The following EPS15L1 variants were observed in gnomAD, a reference collection of about 807,000 sequenced individuals.
EPS15L1 encodes epidermal growth factor receptor pathway substrate 15 like 1, also known as epidermal growth factor receptor substrate 15-like 1.
In EPS15L1, 43 loss-of-function variants were observed where a neutral mutation model predicts 117.1. That is an observed-to-expected ratio of 0.37 (90% confidence interval 0.29 to 0.47). The LOEUF is 0.47. EPS15L1 is among the 20% of genes least tolerant of loss of function. The pLI is 0.99. For missense variants in EPS15L1, 981 were observed against 1,164.0 expected (o/e 0.84, Z 2.29); for synonymous variants, 459 against 470.5 (o/e 0.98, Z 0.32).
At chr19:16,447,941 A>G (rs1310846928) in intron 1 of EPS15L1, among the ~76,000 whole-genome samples, 2 of 152,192 alleles carry the variant, frequency 1.3e-5, no homozygotes, top group African/African-American at 4.8e-5. Context: ...TCTGAGAAAC[A>G]GACACACACA....
At chr19:16,384,987 T>C in intron 21 of EPS15L1, 142 bp downstream of exon 21, 1 of 726,434 alleles carries the variant, frequency 1.4e-6, no homozygotes, top group South Asian at 1.6e-5. Flanking sequence ...CAGCCATGGA[T>C]GCTTTCCAGA....
chr19:16,468,221 A>C (rs2093320128), intron 1 of EPS15L1, among the ~76,000 whole-genome samples: 1 of 152,136 alleles, frequency 6.6e-6, no homozygotes, highest in Admixed American at 6.6e-5. Flanking sequence ...GCTCACAGTG[A>C]TGTTCTAGCA....
At chr19:16,436,831 T>C in intron 6 of EPS15L1, 106 bp downstream of exon 6, 1 of 902,410 alleles carries the variant, frequency 1.1e-6, no homozygotes, top group Non-Finnish European at 1.7e-6. Context: ...TATAAAATGT[T>C]CTGAACAACA....
At chr19:16,440,177 A>C (rs1296141148) in intron 4 of EPS15L1, among the ~76,000 whole-genome samples, 2 of 152,094 alleles carry the variant, frequency 1.3e-5, no homozygotes, top group African/African-American at 4.8e-5. Flanking sequence ...TCATGCCCAT[A>C]ATCCCAGCAG....
At chr19:16,395,933 A>AAT (rs1400774410) in intron 16 of EPS15L1, among the ~76,000 whole-genome samples, 2 of 105,886 alleles carry the variant, frequency 1.9e-5, no homozygotes, top group East Asian at 4.9e-4. Flanking sequence ...CGATAGAGTG[A>AAT]GTCTATCTCA....
intron 22 of EPS15L1, among the ~76,000 whole-genome samples, chr19:16,372,582 C>T (rs2092240661): frequency 6.6e-6 from 1 of 152,166 alleles, no homozygotes. Context: ...AGAAAAGGGC[C>T]CAATTAATGA....
intron 10 of EPS15L1, among the ~76,000 whole-genome samples, chr19:16,420,265 T>C (rs970800212): frequency 6.6e-6 from 1 of 152,252 alleles, no homozygotes; most frequent in South Asian, 2.1e-4. Flanking sequence ...GTCATTTCCA[T>C]GTCATTACAT....
chr19:16,412,001 G>A (rs1290358913), intron 13 of EPS15L1, among the ~76,000 whole-genome samples: 2 of 152,142 alleles, frequency 1.3e-5, no homozygotes, highest in African/African-American at 2.4e-5. Flanking sequence ...AGCCAGCCTC[G>A]TATACTTTAA....
At chr19:16,471,998 C>T, upstream of EPS15L1, 1 of 1,237,948 alleles carries the variant, frequency 8.1e-7, no homozygotes, top group African/African-American at 1.6e-5. The surrounding 1 kb of genome is among the most constrained non-coding windows in gnomAD (Gnocchi z 4.8). Context: ...GGGGCTGCAG[C>T]CACGCGTGCG....
intron 16 of EPS15L1, among the ~76,000 whole-genome samples, chr19:16,399,681 G>GTT (rs5827337): frequency 2.3e-3 from 321 of 139,492 alleles, no homozygotes; most frequent in African/African-American, 6.8e-3. Context: ...GCTTTTTGGG[G>GTT]TTTTTTTTTT....
rs1032101131 is a variant in EPS15L1, at chr19:16,370,109, C to A, written c.2380+7013G>T. Among the ~76,000 whole-genome samples, 1 of 152,164 alleles carries A rather than the reference C, an allele frequency of 6.6e-6. No individual in the cohort carries two copies. Among genetic ancestry groups the A allele is most frequent in the African/African-American group, 2.4e-5 (1 of 41,448 alleles). On this transcript the variant is annotated intron_variant, in intron 22 of 23. Transcript: ENST00000455140. This position sits in a 1 kb window ranked among gnomAD's most constrained non-coding sequence, Gnocchi z 5.2. ...GTTAGGGGTCGTGCATGAAAGGACC[C>A]AAAAGAGCCCCTGGGAGGGGAGCAA...
chr19:16,374,051 GT>G (rs1211524108), intron 22 of EPS15L1, among the ~76,000 whole-genome samples: 1 of 152,256 alleles, frequency 6.6e-6, no homozygotes, highest in Non-Finnish European at 1.5e-5. Context: ...TGCATTGGCT[GT>G]TTTAGAGAAT....
chr19:16,374,324 G>A (rs749799345), intron 22 of EPS15L1, among the ~76,000 whole-genome samples: 6 of 152,070 alleles, frequency 3.9e-5, no homozygotes, highest in Non-Finnish European at 8.8e-5. Context: ...GCAGAGCACC[G>A]AGTGGCACAG....
intron 8 of EPS15L1, among the ~76,000 whole-genome samples, chr19:16,427,223 C>A (rs2092881301): frequency 6.6e-6 from 1 of 152,108 alleles, no homozygotes; most frequent in African/African-American, 2.4e-5. Flanking sequence ...GAGTTCGAGG[C>A]TGCAGCAAGG....
At position 16,393,660 on chromosome 19, in the gene EPS15L1, A is replaced by T. The variant is rs1257823951; in HGVS notation, c.1966+291T>A. On this transcript the variant is annotated intron_variant, in intron 18 of 23. Coordinates refer to ENST00000455140, the MANE Select transcript of EPS15L1 (RefSeq NM_001258374.3). Reference sequence around the variant, plus strand: ...CGAGACTCCGTCTCAAAAAAAAAAAAAATAAAAAATAAATAAATAAATAAA... The same window carrying T: ...CGAGACTCCGTCTCAAAAAAAAAAATAATAAAAAATAAATAAATAAATAAA... 4.0e-5 allele frequency among the ~76,000 whole-genome samples: 6 copies of T among 150,044 alleles called. No individual in the cohort carries two copies. In the East Asian group the frequency reaches 7.7e-4, roughly 19 times the overall value.
At chr19:16,466,346 C>T (rs1253563750) in intron 1 of EPS15L1, among the ~76,000 whole-genome samples, 2 of 152,092 alleles carry the variant, frequency 1.3e-5, no homozygotes. Flanking sequence ...TTACTCAGTC[C>T]TTCCAGCCTG....
chr19:16,404,573 G>T lies in EPS15L1; in HGVS notation c.1428+15C>A. 6.2e-7 allele frequency: 1 copy of T among 1,613,870 alleles called. No homozygotes were observed. Among genetic ancestry groups the T allele is most frequent in the Non-Finnish European group, 8.5e-7 (1 of 1,179,924 alleles). On this transcript the variant is annotated intron_variant, in intron 14 of 23. Coordinates refer to ENST00000455140, the MANE Select transcript of EPS15L1 (RefSeq NM_001258374.3). This position sits in a 1 kb window ranked among gnomAD's most constrained non-coding sequence, Gnocchi z 4.2. ...CTGTGCATAGGGCGCTGCCCCGGAGGTGGCCGGGACCCACCATCTGAGTCT... is the reference window on the plus strand; with the variant it reads ...CTGTGCATAGGGCGCTGCCCCGGAGTTGGCCGGGACCCACCATCTGAGTCT...
chr19:16,408,667 A>G (rs2092679861), intron 13 of EPS15L1, among the ~76,000 whole-genome samples: 1 of 151,964 alleles, frequency 6.6e-6, no homozygotes, highest in Non-Finnish European at 1.5e-5. Context: ...CAAAAAAAAA[A>G]AAAAATCACA....
intron 12 of EPS15L1, chr19:16,417,332 CACAGA>C: frequency 5.7e-6 from 3 of 525,016 alleles, no homozygotes; most frequent in South Asian, 2.0e-5. Context: ...CCTGAGACCA[CACAGA>C]TGCTACGGGC....
Sources: allele counts gnomAD v4.1 joint callset (sites outside exome capture counted in the v4.1 genomes callset), GRCh38; gene constraint gnomAD v4.1.1; non-coding constraint Gnocchi (gnomAD v3.1); transcripts MANE v1.5; gene names NCBI Gene and HGNC (gene_info 2026-07-23, HGNC 2026-07-21).